The following MIB1 variants were observed in gnomAD, a reference collection of about 807,000 sequenced individuals.
MIB1 encodes the protein E3 ubiquitin-protein ligase MIB1.
Under a neutral mutation model 124.5 loss-of-function variants are expected in MIB1, and 278 were observed. The observed-to-expected ratio is 2.23, with a 90% confidence interval of 2.02 to 2.47. The LOEUF is 2.47. MIB1 is among the 30% of genes most tolerant of loss of function. MIB1 has a pLI of 0.00. For missense variants in MIB1, 957 were observed against 1,254.4 expected (o/e 0.76, Z 3.58); for synonymous variants, 446 against 429.4 (o/e 1.04, Z -0.48).
intron 20 of MIB1, among the ~76,000 whole-genome samples, chr18:21,862,027 A>C (rs1454736292): frequency 6.6e-6 from 1 of 151,858 alleles, no homozygotes; most frequent in South Asian, 2.1e-4. Context: ...TCAGCCTCCC[A>C]AGTTGCTGGG....
intron 7 of MIB1, 98 bp downstream of exon 7, chr18:21,791,655 C>A: frequency 5.0e-6 from 5 of 996,958 alleles, no homozygotes; most frequent in Non-Finnish European, 7.3e-6. Context: ...CATAAAACTT[C>A]TTAGAATTGT....
At chr18:21,843,085 A>ACTGTTGT (rs754150611) in intron 13 of MIB1, 46 bp from the exon 14 acceptor site, 2 of 1,383,410 alleles carry the variant, frequency 1.4e-6, no homozygotes, top group Admixed American at 3.7e-5. Context: ...CATGTTCTTT[A>ACTGTTGT]CTGTTGTCAA....
At chr18:21,815,993 T>A (rs985119699) in intron 11 of MIB1, among the ~76,000 whole-genome samples, 180 bp downstream of exon 11, 1 of 152,182 alleles carries the variant, frequency 6.6e-6, no homozygotes, top group Non-Finnish European at 1.5e-5. Context: ...TGTTTTTTTT[T>A]AGGGAAAATG....
intron 19 of MIB1, among the ~76,000 whole-genome samples, chr18:21,858,183 T>C (rs2146520777): frequency 6.6e-6 from 1 of 152,332 alleles, no homozygotes; most frequent in East Asian, 1.9e-4. Flanking sequence ...AAAGCCCTGC[T>C]GGTTACTTTC....
At chr18:21,802,595 GA>G (rs2146457835) in intron 9 of MIB1, among the ~76,000 whole-genome samples, 1 of 152,206 alleles carries the variant, frequency 6.6e-6, no homozygotes, top group East Asian at 1.9e-4. Context: ...GTCTTTATAA[GA>G]AAACATTTTC....
rs1273829920 is a variant in MIB1, at chr18:21,870,865, T to A, written c.*6199T>A. The A allele has an allele frequency of 6.6e-6, 1 of 152,216 alleles. No individual in the cohort carries two copies. Among genetic ancestry groups the A allele is most frequent in the Non-Finnish European group, 1.5e-5 (1 of 68,036 alleles). 9.4% of individuals were successfully genotyped at this position (152,216 alleles called of 1,614,324 possible). ...ACCTCTAATTAACTGTATTTTTTTGTTTCTGTTGCTGTATAGTTAGAAATT... is the reference window on the plus strand; with the variant it reads ...ACCTCTAATTAACTGTATTTTTTTGATTCTGTTGCTGTATAGTTAGAAATT... On this transcript the variant is annotated 3_prime_UTR_variant, in exon 21 of 21. Transcript: ENST00000261537.
intron 1 of MIB1, among the ~76,000 whole-genome samples, chr18:21,761,756 G>GGA (rs1163777188): frequency 6.6e-6 from 1 of 152,196 alleles, no homozygotes; most frequent in Non-Finnish European, 1.5e-5. Context: ...TTTCCCCTCA[G>GGA]GATTCACAAC....
chr18:21,779,474 A>G lies in MIB1; in HGVS notation c.704-7A>G. 1 of 1,613,552 alleles carries G rather than the reference A, an allele frequency of 6.2e-7. No individual in the cohort carries two copies. Among genetic ancestry groups the G allele is most frequent in the Non-Finnish European group, 8.5e-7 (1 of 1,179,508 alleles). On this transcript the variant is annotated splice_polypyrimidine_tract_variant and splice_region_variant and intron_variant, in intron 5 of 20. Coordinates refer to ENST00000261537, the MANE Select transcript of MIB1 (RefSeq NM_020774.4). ...CTCCCTTTATTCAATTGCCTCTGAA[A>G]TTACAGGTGAGCAGAATGGCAACAG... is the stretch of plus-strand genomic sequence containing the variant.
chr18:21,828,637 C>G lies in MIB1; in HGVS notation c.1829+8991C>G, dbSNP rs549949212. ...TATACTTAAGATTAAATTGTGGAGACAGAAAATAGGTCATGTGTATTCCTC... is the reference window on the plus strand; with the variant it reads ...TATACTTAAGATTAAATTGTGGAGAGAGAAAATAGGTCATGTGTATTCCTC... On this transcript the variant is annotated intron_variant, in intron 12 of 20. Coordinates refer to ENST00000261537, the MANE Select transcript of MIB1 (RefSeq NM_020774.4). The G allele has an allele frequency of 8.7e-5, 14 of 160,972 alleles. No homozygotes were observed. The South Asian group carries it at 2.4e-3, about 28-fold the overall frequency. The allele number at this position is 160,972 out of a possible 1,614,324, so 10.0% of individuals were successfully genotyped here.
intron 10 of MIB1, 69 bp from the exon 11 acceptor site, chr18:21,815,544 ATAT>A: frequency 2.3e-6 from 3 of 1,301,130 alleles, no homozygotes; most frequent in Non-Finnish European, 3.2e-6. Flanking sequence ...GCTTCTTGGT[ATAT>A]TATTATAGCT....
At chr18:21,751,930 A>C (rs2040979537) in intron 1 of MIB1, among the ~76,000 whole-genome samples, 1 of 152,212 alleles carries the variant, frequency 6.6e-6, no homozygotes, top group Admixed American at 6.5e-5. Flanking sequence ...GATTAACTTA[A>C]TGTAATACCA....
In MIB1 at chr18:21,741,898, T is replaced by C; in HGVS notation, c.229+86T>C. ...GGCGTCGGTGTCGCGGGGAGAGGTC[T>C]GCAGTGGGACACCTGGTGGGCAGCG... On this transcript the variant is annotated intron_variant, in intron 1 of 20. Transcript: ENST00000261537. The surrounding 1 kb of genome is among the most constrained non-coding windows in gnomAD (Gnocchi z 5.4). The C allele has an allele frequency of 8.2e-7, 1 of 1,223,476 alleles. No individual in the cohort carries two copies. Among genetic ancestry groups the C allele is most frequent in the Non-Finnish European group, 1.1e-6 (1 of 896,174 alleles). The allele number at this position is 1,223,476 out of a possible 1,614,324, so 75.8% of individuals were successfully genotyped here. A position where few individuals can be genotyped will look rare whatever the true frequency, so the allele number is the denominator to read the frequency against.
intron 2 of MIB1, among the ~76,000 whole-genome samples, chr18:21,766,252 A>G (rs2041157166): frequency 6.6e-6 from 1 of 152,224 alleles, no homozygotes. Context: ...TCTTCTCACT[A>G]TGCCTTCTAG....
chr18:21,792,812 C>CT (rs2041522867), intron 7 of MIB1, among the ~76,000 whole-genome samples: 2 of 152,156 alleles, frequency 1.3e-5, no homozygotes, highest in African/African-American at 4.8e-5. Context: ...CCTAAGCAGT[C>CT]TTTCTGCCAT....
intron 12 of MIB1, among the ~76,000 whole-genome samples, chr18:21,831,648 A>AC (rs2041983939): frequency 6.9e-6 from 1 of 145,538 alleles, no homozygotes; most frequent in Non-Finnish European, 1.5e-5. Flanking sequence ...CCTGCCCCCC[A>AC]CTTTTTTTTT....
intron 16 of MIB1, 140 bp from the exon 17 acceptor site, chr18:21,849,056 C>T (rs1359857859): frequency 1.9e-6 from 1 of 533,936 alleles, no homozygotes; most frequent in Admixed American, 3.2e-5. Flanking sequence ...TTTAATGTTT[C>T]ACATACAGAT....
intron 1 of MIB1, among the ~76,000 whole-genome samples, chr18:21,755,476 C>T (rs1239729426): frequency 5.3e-5 from 8 of 151,988 alleles, no homozygotes; most frequent in African/African-American, 9.7e-5. Flanking sequence ...GGATTACAGG[C>T]GCGTACCACC....
chr18:21,707,512 T>G (rs981924653), intron 1 of MIB1, among the ~76,000 whole-genome samples: 6 of 152,182 alleles, frequency 3.9e-5, no homozygotes, highest in African/African-American at 1.4e-4. Context: ...TGCTGCTCAT[T>G]CTTTGGGTCC....
In MIB1 at chr18:21,844,252, C is replaced by T. The variant is rs763996704; in HGVS notation, c.2210C>T (p.Thr737Met). The change falls in exon 15 of 21, where the codon ACG (threonine) becomes ATG (methionine). Residue 737 changes from threonine (T) to methionine (M), a missense_variant and splice_region_variant. Transcript: ENST00000261537. ...VDAAWEPSKN[T>M]LIMGLGTQGA... ...GCTGCCTGGGAGCCATCCAAAAACA[C>T]GGTGAGTAAAGATCATCTTTCATTC... The T allele has an allele frequency of 4.3e-6, 7 of 1,613,724 alleles. No homozygotes were observed. The highest frequency in any genetic ancestry group is 3.3e-5 in the Admixed American group (2 of 59,950).
Sources: gnomAD v4.1 joint callset for allele counts (sites outside exome capture counted in the v4.1 genomes callset) on GRCh38, gnomAD v4.1.1 for gene constraint, Gnocchi (gnomAD v3.1) non-coding constraint, MANE v1.5 for transcripts, NCBI Gene and HGNC (gene_info 2026-07-23, HGNC 2026-07-21) for gene names.